WNT5B: variants seen among roughly 807,000 people sequenced by gnomAD.
WNT5B encodes Wnt family member 5B.
In WNT5B, 18 loss-of-function variants were observed where a neutral mutation model predicts 36.5. The ratio of observed to expected loss-of-function variants is 0.49; its 90% confidence interval spans 0.34 to 0.73. WNT5B has a LOEUF of 0.73. Among genes scored for constraint, WNT5B ranks in the 30% least tolerant of loss-of-function variants. The pLI is 0.01. For synonymous variants in WNT5B, 213 were observed against 212.3 expected, an observed-to-expected ratio of 1.00 and a Z score of -0.03; for missense variants, 424 against 508.4, an observed-to-expected ratio of 0.83 and a Z score of 1.60.
Position 1,632,184 on chromosome 12 carries a change from C to G in WNT5B, c.81-474C>G, listed in dbSNP as rs1370401003. ...GGATTGATTGCTTTCCATGGCTTAT[C>G]ATGTACTTGGGCTGCACTGAACTAG... On this transcript the variant is annotated intron_variant, in intron 2 of 4. Transcript: ENST00000397196. This position sits in a 1 kb window ranked among gnomAD's most constrained non-coding sequence, Gnocchi z 5.8. 6.6e-6 allele frequency among the ~76,000 whole-genome samples: 1 copy of G among 152,238 alleles called. No individual in the cohort carries two copies. The highest frequency in any genetic ancestry group is 1.5e-5 in the Non-Finnish European group (1 of 68,038).
At chr12:1,617,788 C>G (rs1425474401) in intron 1 of WNT5B, among the ~76,000 whole-genome samples, 1 of 152,036 alleles carries the variant, frequency 6.6e-6, no homozygotes, top group Admixed American at 6.5e-5. Flanking sequence ...GTTAGAGAAC[C>G]TGTGTGCCAC....
chr12:1,621,186 ATACAATCAAGAGAC>A (rs1328189246), intron 1 of WNT5B, among the ~76,000 whole-genome samples: 1 of 151,862 alleles, frequency 6.6e-6, no homozygotes, highest in East Asian at 1.9e-4. Flanking sequence ...CACTATAGAG[ATACAATCAAGAGAC>A]CTTGGCAATT....
At chr12:1,642,519 G>A (rs1406678394) in intron 4 of WNT5B, among the ~76,000 whole-genome samples, 1 of 152,160 alleles carries the variant, frequency 6.6e-6, no homozygotes, top group Non-Finnish European at 1.5e-5. Flanking sequence ...AACCCTGTAT[G>A]TGCTGTATGT....
Position 1,631,368 on chromosome 12 carries a change from T to C in WNT5B, c.14T>C (p.Leu5Pro). MPSL[L>P]LLFTAALLSS... The stretch of plus-strand genomic sequence containing the variant: ...CTGAGGCCGACCATGCCCAGCCTGC[T>C]GCTGCTGTTCACGGCTGCTCTGCTG... Residue 5 changes from leucine (L) to proline (P), a missense_variant, in exon 2 of 5, where the codon CTG becomes CCG. Coordinates refer to ENST00000397196, the MANE Select transcript of WNT5B (RefSeq NM_032642.3). 1 of 1,614,222 alleles carries C rather than the reference T, an allele frequency of 6.2e-7. No individual in the cohort carries two copies. The highest frequency in any genetic ancestry group is 1.7e-4 in the Middle Eastern group (1 of 6,060).
chr12:1,624,881 G>A (rs2094538925), upstream of WNT5B, among the ~76,000 whole-genome samples: 1 of 151,940 alleles, frequency 6.6e-6, no homozygotes, highest in African/African-American at 2.4e-5. Flanking sequence ...GATTCATAAG[G>A]GCCGAAGAGG....
chr12:1,632,507 A>G lies in WNT5B; in HGVS notation c.81-151A>G. The G allele has an allele frequency of 8.8e-7, 1 of 1,139,592 alleles. No individual in the cohort carries two copies. Among genetic ancestry groups the G allele is most frequent in the Non-Finnish European group, 1.2e-6 (1 of 816,440 alleles). 70.6% of individuals were successfully genotyped at this position (1,139,592 alleles called of 1,614,324 possible). ...CAGATTCCTTCAGTTTGTCCTTTGA[A>G]GGCCAGCACTCTGATTTACTAATTT... On this transcript the variant is annotated intron_variant, in intron 2 of 4. Transcript: ENST00000397196. The surrounding 1 kb of genome is among the most constrained non-coding windows in gnomAD (Gnocchi z 5.8).
rs1277235928 is a variant in WNT5B at position 1,630,469 on chromosome 12, T to C, written c.-57-829T>C. Among the ~76,000 whole-genome samples, 2 of 152,116 alleles carry C rather than the reference T, an allele frequency of 1.3e-5. No homozygotes were observed. The highest frequency in any genetic ancestry group is 6.5e-5 in the Admixed American group (1 of 15,282). ...GGCCCGGGAGCCAGCAGGGAAGGGC[T>C]GTGGCATCTGGAAGATGCGTCCTCA... On this transcript the variant is annotated intron_variant, in intron 1 of 4. Transcript: ENST00000397196. This position sits in a 1 kb window ranked among gnomAD's most constrained non-coding sequence, Gnocchi z 5.3.
chr12:1,628,653 T>G (rs889668161), upstream of WNT5B, among the ~76,000 whole-genome samples: 1 of 152,210 alleles, frequency 6.6e-6, no homozygotes, highest in Admixed American at 6.5e-5. Flanking sequence ...GACCTGCTCA[T>G]TAACACAAAA....
chr12:1,637,128 G>A (rs1433969159), intron 3 of WNT5B, among the ~76,000 whole-genome samples: 3 of 152,166 alleles, frequency 2.0e-5, no homozygotes, highest in Non-Finnish European at 4.4e-5. Flanking sequence ...GGGATTACAG[G>A]TGTGAGTCAC....
intron 2 of WNT5B, 120 bp downstream of exon 2, chr12:1,631,554 C>T (rs1020386324): frequency 6.8e-7 from 1 of 1,472,852 alleles, no homozygotes; most frequent in Admixed American, 2.2e-5. Flanking sequence ...TACTAAGGGC[C>T]TCTTTTATCC....
At chr12:1,643,530 C>G (rs1257083300) in intron 4 of WNT5B, among the ~76,000 whole-genome samples, 1 of 151,908 alleles carries the variant, frequency 6.6e-6, no homozygotes, top group East Asian at 1.9e-4. Flanking sequence ...CACGCCTGGG[C>G]TAATTTTGCA....
chr12:1,619,025 G>GCA (rs1363531540), intron 1 of WNT5B, among the ~76,000 whole-genome samples: 1 of 152,024 alleles, frequency 6.6e-6, no homozygotes, highest in Non-Finnish European at 1.5e-5. Context: ...ACTGGGAATG[G>GCA]CACACACATT....
rs11061884 is a variant in WNT5B, at chr12:1,636,393, C to A, written c.329-3291C>A. 3.1e-3 allele frequency among the ~76,000 whole-genome samples: 475 copies of A among 151,168 alleles called. 1 individual carries two copies. Among genetic ancestry groups the A allele is most frequent in the South Asian group, 7.8e-3 (37 of 4,746 alleles). ...ATTCTTTCTGTCTCCATGGATTTGC[C>A]TATCCTGGGCATTTCTTATAAATGG... On this transcript the variant is annotated intron_variant, in intron 3 of 4. Transcript: ENST00000397196.
intron 4 of WNT5B, among the ~76,000 whole-genome samples, chr12:1,640,270 C>A (rs1054511224): frequency 1.3e-5 from 2 of 152,100 alleles, no homozygotes; most frequent in African/African-American, 2.4e-5. Flanking sequence ...GAATTCCAGA[C>A]GTAAGGATTA....
intron 4 of WNT5B, among the ~76,000 whole-genome samples, chr12:1,640,789 C>G (rs1175821984): frequency 3.3e-5 from 5 of 152,354 alleles, no homozygotes; most frequent in African/African-American, 9.6e-5. Flanking sequence ...TGTCCCCCAT[C>G]GTGGCTGCCT....
rs529807731 is a variant in WNT5B, at chr12:1,645,888, G to T, written c.716G>T (p.Arg239Leu). ...KTCWLQLAEFRKVGDRLKEKY... is the reference protein window; with the variant it reads ...KTCWLQLAEFLKVGDRLKEKY... ...TGCTGGCTGCAGCTGGCCGAGTTCC[G>T]CAAGGTCGGGGACCGGCTGAAGGAG... The change falls in exon 5 of 5, where the codon CGC (arginine) becomes CTC (leucine). Residue 239 changes from arginine (R) to leucine (L), a missense_variant. Arg to Leu is a moderately radical substitution (Grantham distance 102, BLOSUM62 -2). Coordinates refer to ENST00000397196, the MANE Select transcript of WNT5B (RefSeq NM_032642.3). 6.2e-6 allele frequency: 10 copies of T among 1,611,214 alleles called. No individual in the cohort carries two copies. Among genetic ancestry groups the T allele is most frequent in the Non-Finnish European group, 8.5e-6 (10 of 1,179,520 alleles).
Position 1,646,045 on chromosome 12 carries a change from C to T in WNT5B, c.873C>T (p.Asn291=), listed in dbSNP as rs754560999. The T allele has an allele frequency of 2.2e-5, 36 of 1,613,298 alleles. No homozygotes were observed. Among genetic ancestry groups the T allele is most frequent in the South Asian group, 7.7e-5 (7 of 91,080 alleles). The part of the protein sequence containing the change: ...VDPSPDYCLR[N]ESTGSLGTQG... Reference sequence around the variant, plus strand: ...CCAGCCCCGACTACTGCCTGCGCAACGAGAGCACGGGCTCCCTGGGCACGC... The same window carrying T: ...CCAGCCCCGACTACTGCCTGCGCAATGAGAGCACGGGCTCCCTGGGCACGC... The change falls in exon 5 of 5, where the codon AAC becomes AAT. Residue 291 remains asparagine (N), a synonymous_variant. Transcript: ENST00000397196.
In WNT5B at chr12:1,632,539, C is replaced by G; in HGVS notation, c.81-119C>G. 5 of 1,418,928 alleles carry G rather than the reference C, an allele frequency of 3.5e-6. No individual in the cohort carries two copies. The South Asian group carries it at 7.4e-5, about 21-fold the overall frequency. The allele number at this position is 1,418,928 out of a possible 1,614,324, so 87.9% of individuals were successfully genotyped here. A position where few individuals can be genotyped will look rare whatever the true frequency, so the allele number is the denominator to read the frequency against. ...CACTCTGATTTACTAATTTTTCTTT[C>G]CAGGGCCTTGTACACAGGGACGCAT... On this transcript the variant is annotated intron_variant, in intron 2 of 4. Coordinates refer to ENST00000397196, the MANE Select transcript of WNT5B (RefSeq NM_032642.3). The surrounding 1 kb of genome is among the most constrained non-coding windows in gnomAD (Gnocchi z 5.8).
In WNT5B at chr12:1,632,461, A is replaced by G. The variant is rs961933711; in HGVS notation, c.81-197A>G. Reference sequence around the variant, plus strand: ...CTGTCTGGGGCATTTGGCATCTCGCATGTCCTTTGTGTTCATGCCTCAGAT... The same window carrying G: ...CTGTCTGGGGCATTTGGCATCTCGCGTGTCCTTTGTGTTCATGCCTCAGAT... On this transcript the variant is annotated intron_variant, in intron 2 of 4. Coordinates refer to ENST00000397196, the MANE Select transcript of WNT5B (RefSeq NM_032642.3). The surrounding 1 kb of genome is among the most constrained non-coding windows in gnomAD (Gnocchi z 5.8). Among the ~76,000 whole-genome samples the G allele has an allele frequency of 6.6e-6, 1 of 152,188 alleles. No homozygotes were observed. Among genetic ancestry groups the G allele is most frequent in the Non-Finnish European group, 1.5e-5 (1 of 68,040 alleles).
Sources: allele counts gnomAD v4.1 joint callset (sites outside exome capture counted in the v4.1 genomes callset), GRCh38; gene constraint gnomAD v4.1.1; non-coding constraint Gnocchi (gnomAD v3.1); transcripts MANE v1.5; gene names NCBI Gene and HGNC (gene_info 2026-07-23, HGNC 2026-07-21).